The following CTNNBL1 variants were observed in gnomAD, a reference collection of about 807,000 sequenced individuals.
CTNNBL1 encodes the protein catenin beta like 1.
In CTNNBL1, 31 loss-of-function variants were observed where a neutral mutation model predicts 72.7. The observed-to-expected ratio is 0.43, with a 90% CI of 0.32 to 0.58. CTNNBL1 has a LOEUF of 0.58. Ranked by LOEUF, CTNNBL1 falls within the 20% of genes least tolerant of loss-of-function variation. CTNNBL1 has a pLI of 0.08. For missense variants in CTNNBL1, 534 were observed against 725.1 expected (o/e 0.74, Z 3.03); for synonymous variants, 240 against 267.3 (o/e 0.90, Z 1.00).
intron 15 of CTNNBL1, among the ~76,000 whole-genome samples, chr20:37,869,536 A>C (rs181103350): frequency 6.6e-6 from 1 of 152,354 alleles, no homozygotes; most frequent in Non-Finnish European, 1.5e-5. Context: ...GAGGAAGGCG[A>C]AAGCCCCTGC....
intron 15 of CTNNBL1, among the ~76,000 whole-genome samples, chr20:37,862,359 C>T (rs954815612): frequency 6.6e-6 from 1 of 152,186 alleles, no homozygotes; most frequent in East Asian, 1.9e-4. Context: ...CTCCCTGCAC[C>T]TCCATCCTTG....
chr20:37,719,425 C>G (rs140982637), intron 1 of CTNNBL1, among the ~76,000 whole-genome samples: 3 of 152,168 alleles, frequency 2.0e-5, no homozygotes, highest in Non-Finnish European at 4.4e-5. Context: ...CAGCGCTAAC[C>G]GGAAGGCTCA....
At chr20:37,776,913 G>A (rs2073578720) in intron 7 of CTNNBL1, among the ~76,000 whole-genome samples, 1 of 152,172 alleles carries the variant, frequency 6.6e-6, no homozygotes, top group South Asian at 2.1e-4. Flanking sequence ...AGTTAATCAA[G>A]AATTGCTTTC....
intron 13 of CTNNBL1, among the ~76,000 whole-genome samples, chr20:37,849,825 A>G (rs149502492): frequency 4.6e-4 from 70 of 152,354 alleles, no homozygotes; most frequent in Middle Eastern, 3.4e-3. Flanking sequence ...GGTGATTACA[A>G]TCAAGTTACT....
At chr20:37,750,947 C>T (rs1334245383) in intron 4 of CTNNBL1, 1 of 152,232 alleles carries the variant, frequency 6.6e-6, no homozygotes, top group East Asian at 1.9e-4. Flanking sequence ...TGTGGGTCAT[C>T]TCTGGCTTGG....
At chr20:37,753,302 A>G (rs985208410) in intron 4 of CTNNBL1, among the ~76,000 whole-genome samples, 4 of 152,208 alleles carry the variant, frequency 2.6e-5, no homozygotes, top group African/African-American at 9.6e-5. Context: ...GAGGCAGGAA[A>G]GTAGGCAAGG....
At chr20:37,733,864 A>G (rs1009182743) in intron 2 of CTNNBL1, among the ~76,000 whole-genome samples, 1 of 152,170 alleles carries the variant, frequency 6.6e-6, no homozygotes, top group African/African-American at 2.4e-5. Context: ...TGTTCTGTTC[A>G]CAGCTCTATC....
intron 10 of CTNNBL1, among the ~76,000 whole-genome samples, chr20:37,793,064 C>T (rs1478753001): frequency 6.6e-6 from 1 of 152,138 alleles, no homozygotes; most frequent in Non-Finnish European, 1.5e-5. Context: ...AGAATACATT[C>T]TTATGTTGCT....
Position 37,820,220 on chromosome 20 carries a change from C to T in CTNNBL1, c.1213+17172C>T, listed in dbSNP as rs544246152. Among the ~76,000 whole-genome samples, 89 of 152,148 alleles carry T rather than the reference C, an allele frequency of 5.8e-4. No homozygotes were observed. In the South Asian group the frequency reaches 0.016, roughly 27 times the overall value. The stretch of plus-strand genomic sequence containing the variant: ...GATTCTTCTGTGTTGATACTGGTTT[C>T]GGTCTCCTTAAGGCAAATATTTCCT... On this transcript the variant is annotated intron_variant, in intron 11 of 15. Transcript: ENST00000361383.
chr20:37,859,159 C>T (rs1196365390), intron 13 of CTNNBL1, among the ~76,000 whole-genome samples: 3 of 152,024 alleles, frequency 2.0e-5, no homozygotes, highest in African/African-American at 4.8e-5. Context: ...GAGTTCAAGA[C>T]CAGCCTGGCC....
At chr20:37,729,924 G>A (rs114914713) in intron 1 of CTNNBL1, among the ~76,000 whole-genome samples, 1,593 of 152,092 alleles carry the variant, frequency 0.01, 33 homozygotes, top group African/African-American at 0.037. Flanking sequence ...TGTAATTTTT[G>A]TCCTTATGGA....
chr20:37,708,344 G>A (rs2072907926), intron 1 of CTNNBL1, among the ~76,000 whole-genome samples: 1 of 151,934 alleles, frequency 6.6e-6, no homozygotes, highest in South Asian at 2.1e-4. Flanking sequence ...GCTAATTTTT[G>A]TATTTTTTGT....
chr20:37,843,545 C>T (rs2072322538), intron 13 of CTNNBL1, among the ~76,000 whole-genome samples: 1 of 152,188 alleles, frequency 6.6e-6, no homozygotes, highest in South Asian at 2.1e-4. Context: ...CACCTCTTCC[C>T]TTTCATAAAA....
intron 1 of CTNNBL1, among the ~76,000 whole-genome samples, chr20:37,698,154 G>A (rs1231782388): frequency 6.6e-6 from 1 of 152,190 alleles, no homozygotes. Flanking sequence ...TATGTTGGTT[G>A]CACAATAAGG....
intron 13 of CTNNBL1, among the ~76,000 whole-genome samples, chr20:37,847,594 C>A (rs941716302): frequency 2.6e-5 from 4 of 152,152 alleles, no homozygotes; most frequent in African/African-American, 9.7e-5. Context: ...CTTGTTGATT[C>A]TTTCCCGTTT....
chr20:37,725,663 G>A (rs2073078584), intron 1 of CTNNBL1, among the ~76,000 whole-genome samples: 1 of 150,898 alleles, frequency 6.6e-6, no homozygotes, highest in Non-Finnish European at 1.5e-5. Context: ...TGTTTTCTAT[G>A]GGCCAAACTG....
At chr20:37,740,695 G>A (rs2073208579) in intron 3 of CTNNBL1, among the ~76,000 whole-genome samples, 1 of 152,184 alleles carries the variant, frequency 6.6e-6, no homozygotes, top group South Asian at 2.1e-4. Flanking sequence ...TACAAGAATA[G>A]ACAAGCACAC....
At chr20:37,795,067 A>G (rs1311529935) in intron 10 of CTNNBL1, among the ~76,000 whole-genome samples, 1 of 149,260 alleles carries the variant, frequency 6.7e-6, no homozygotes, top group Non-Finnish European at 1.5e-5. Flanking sequence ...CTGGTGTTTG[A>G]GGTTCGTTGA....
intron 10 of CTNNBL1, among the ~76,000 whole-genome samples, chr20:37,788,448 G>A (rs980680443): frequency 2.0e-5 from 3 of 152,230 alleles, no homozygotes; most frequent in Non-Finnish European, 2.9e-5. Context: ...TAAAAAGCCT[G>A]TTGCCGAGAA....
Sources: gnomAD v4.1 joint callset for allele counts (sites outside exome capture counted in the v4.1 genomes callset) on GRCh38, gnomAD v4.1.1 for gene constraint, MANE v1.5 for transcripts, NCBI Gene and HGNC (gene_info 2026-07-23, HGNC 2026-07-21) for gene names.